Variants in TLE4 observed in about 807,000 individuals in gnomAD.
The protein encoded by TLE4 is TLE family member 4, transcriptional corepressor, also known as transducin-like enhancer protein 4.
In TLE4, 8 loss-of-function variants were observed where a neutral mutation model predicts 92.8. That is an observed-to-expected ratio of 0.09 (90% CI 0.05 to 0.16). The LOEUF (loss-of-function observed/expected upper bound fraction) is 0.16, where lower values mean the gene tolerates loss of function less well. Among genes scored for constraint, TLE4 ranks in the 10% least tolerant of loss-of-function variants. The pLI is 1.00. For synonymous variants in TLE4, 371 were observed against 374.1 expected (o/e 0.99, Z 0.10); for missense variants, 675 against 997.6 (o/e 0.68, Z 4.36).
chr9:79,588,163 T>TGTGTGTGTGTGTG (rs1554691196), intron 4 of TLE4, among the ~76,000 whole-genome samples: 8 of 151,680 alleles, frequency 5.3e-5, no homozygotes, highest in Non-Finnish European at 7.4e-5. Flanking sequence ...TGTGTGTGTG[T>TGTGTGTGTGTGTG]TTTGAGATAG....
Position 79,576,117 on chromosome 9 carries a change from T to C in TLE4, c.208-16T>C, listed in dbSNP as rs1310493666. The C allele has an allele frequency of 1.4e-6, 2 of 1,457,446 alleles. No individual in the cohort carries two copies. Among genetic ancestry groups the C allele is most frequent in the Admixed American group, 2.2e-5 (1 of 45,878 alleles). The allele number at this position is 1,457,446 out of a possible 1,614,324, so 90.3% of individuals were successfully genotyped here. A position where few individuals can be genotyped will look rare whatever the true frequency, so the allele number is the denominator to read the frequency against. ...GATGAAAGTCATGCATTTAATTGCT[T>C]TTCCTTCTTTGACAGTATTATGAAA... On this transcript the variant is annotated splice_polypyrimidine_tract_variant and intron_variant, in intron 3 of 19. Transcript: ENST00000376552.
chr9:79,721,738 C>T lies in TLE4; in HGVS notation c.1839-3C>T, dbSNP rs2075679404. On this transcript the variant is annotated splice_region_variant and splice_polypyrimidine_tract_variant and intron_variant, in intron 16 of 19. Transcript: ENST00000376552. ...GGCTTTCCCTCCATTTTGACATTTT[C>T]AGGCAATTCCAGGGCCACACAGATG... 6.2e-7 allele frequency: 1 copy of T among 1,613,850 alleles called. No individual in the cohort carries two copies. Among genetic ancestry groups the T allele is most frequent in the Admixed American group, 1.7e-5 (1 of 59,954 alleles).
chr9:79,649,915 T>A, intron 6 of TLE4: 2 of 1,328,018 alleles, frequency 1.5e-6, no homozygotes, highest in Non-Finnish European at 2.0e-6. Context: ...TTTTGTTTTT[T>A]GTTTTTTGTT....
intron 6 of TLE4, among the ~76,000 whole-genome samples, chr9:79,631,533 G>A (rs530871508): frequency 1.3e-5 from 2 of 151,422 alleles, no homozygotes; most frequent in Non-Finnish European, 2.9e-5. Context: ...GTTTGAGTTA[G>A]TTTAAAAAAA....
intron 4 of TLE4, among the ~76,000 whole-genome samples, chr9:79,606,877 T>G (rs1366844109): frequency 6.6e-6 from 1 of 152,160 alleles, no homozygotes; most frequent in Non-Finnish European, 1.5e-5. Flanking sequence ...TTTATAATCC[T>G]TTGGGTATAT....
chr9:79,577,244 T>C (rs1263320089), intron 4 of TLE4, among the ~76,000 whole-genome samples: 1 of 152,158 alleles, frequency 6.6e-6, no homozygotes, highest in Non-Finnish European at 1.5e-5. Context: ...GGATTCCTTT[T>C]TGGGTATAGT....
chr9:79,612,184 T>C (rs1474585080), intron 4 of TLE4, among the ~76,000 whole-genome samples: 2 of 152,014 alleles, frequency 1.3e-5, no homozygotes, highest in Non-Finnish European at 2.9e-5. Context: ...GGGTCTTGAG[T>C]TTAAAATCAC....
chr9:79,573,124 G>T (rs949891676), intron 1 of TLE4: 16 of 645,172 alleles, frequency 2.5e-5, no homozygotes, highest in Non-Finnish European at 3.2e-5. Flanking sequence ...ACTCCTCGAG[G>T]GGGGGTGGCG....
At chr9:79,577,832 A>T (rs1197111668) in intron 4 of TLE4, among the ~76,000 whole-genome samples, 3 of 152,112 alleles carry the variant, frequency 2.0e-5, no homozygotes, top group Admixed American at 6.5e-5. Context: ...AGAGGCACAT[A>T]GCTTGTATTT....
chr9:79,719,216 G>T (rs2075150562), intron 15 of TLE4, among the ~76,000 whole-genome samples: 1 of 151,996 alleles, frequency 6.6e-6, no homozygotes, highest in Admixed American at 6.6e-5. Context: ...ATGGGAAAAG[G>T]CAAACCGCTT....
rs75102520 is a variant in TLE4, at chr9:79,707,458, G to A, written c.936+559G>A. 9.5e-4 allele frequency among the ~76,000 whole-genome samples: 145 copies of A among 152,202 alleles called. 2 individuals carry two copies. Among genetic ancestry groups the A allele is most frequent in the African/African-American group, 3.4e-3 (143 of 41,510 alleles). On this transcript the variant is annotated intron_variant, in intron 11 of 19. Transcript: ENST00000376552. ...AGTTAATTGCAACTTTGTGTGGTGT[G>A]TCTTTTTTCCTCACCAGTTATTTCC...
chr9:79,643,638 TTAGATTTCGGTTAAGTGTTTTTAG>T (rs2057573723), intron 6 of TLE4, among the ~76,000 whole-genome samples: 1 of 152,238 alleles, frequency 6.6e-6, no homozygotes, highest in Admixed American at 6.5e-5. Context: ...TTTCTCAAGT[TTAGATTTCGGTTAAGTGTTTTTAG>T]TAGGAATACT....
At chr9:79,717,989 C>T in intron 14 of TLE4, 1 of 456,604 alleles carries the variant, frequency 2.2e-6, no homozygotes, top group South Asian at 1.5e-5. Flanking sequence ...ACTTAAGTTG[C>T]ATTTTAGGAC....
At chr9:79,724,921 A>G in intron 19 of TLE4, 116 bp from the exon 20 acceptor site, 1 of 534,712 alleles carries the variant, frequency 1.9e-6, no homozygotes, top group Non-Finnish European at 3.4e-6. Context: ...CCTTTCCTTG[A>G]CTGGGCTTTC....
At position 79,583,196 on chromosome 9, in the gene TLE4, A is replaced by G. The variant is rs557630559; in HGVS notation, c.252+7019A>G. Reference sequence around the variant, plus strand: ...CCAGCATTTATGCCAGGCTGTTGCTATTTCTATATCATTGACCCAAAACTT... The same window carrying G: ...CCAGCATTTATGCCAGGCTGTTGCTGTTTCTATATCATTGACCCAAAACTT... On this transcript the variant is annotated intron_variant, in intron 4 of 19. Transcript: ENST00000376552. Among the ~76,000 whole-genome samples the G allele has an allele frequency of 2.6e-5, 4 of 152,208 alleles. No homozygotes were observed. In the South Asian group the frequency reaches 8.3e-4, roughly 32 times the overall value.
chr9:79,691,258 A>G (rs865905871), intron 8 of TLE4, among the ~76,000 whole-genome samples: 6 of 152,270 alleles, frequency 3.9e-5, no homozygotes, highest in African/African-American at 9.6e-5. Context: ...AAGTAGGGGC[A>G]CCAAAAGTGG....
At chr9:79,626,511 A>G (rs2133514553) in intron 5 of TLE4, among the ~76,000 whole-genome samples, 1 of 152,338 alleles carries the variant, frequency 6.6e-6, no homozygotes. Flanking sequence ...AGAGTGGTCA[A>G]ATGTTTTAAT....
At chr9:79,611,075 G>A (rs1395384230) in intron 4 of TLE4, among the ~76,000 whole-genome samples, 1 of 151,930 alleles carries the variant, frequency 6.6e-6, no homozygotes, top group East Asian at 1.9e-4. Flanking sequence ...ACAACCAAAT[G>A]CATTTGAGAT....
intron 4 of TLE4, among the ~76,000 whole-genome samples, chr9:79,586,710 C>T (rs2041202871): frequency 1.3e-5 from 2 of 151,142 alleles, no homozygotes; most frequent in African/African-American, 4.9e-5. Context: ...TAATCTTGGC[C>T]TTTTGGAGTT....
Sources: gnomAD v4.1 joint callset for allele counts (sites outside exome capture counted in the v4.1 genomes callset) on GRCh38, gnomAD v4.1.1 for gene constraint, MANE v1.5 for transcripts, NCBI Gene and HGNC (gene_info 2026-07-23, HGNC 2026-07-21) for gene names.